Variants in AADACL4 observed in about 807,000 individuals in gnomAD.
AADACL4 encodes the protein arylacetamide deacetylase like 4.
A neutral mutation model predicts 14.1 loss-of-function variants in AADACL4; 9 were observed. The observed-to-expected ratio is 0.64, with a 90% CI of 0.39 to 1.12. The LOEUF is 1.12. AADACL4 is among the 50% of genes most tolerant of loss of function. The probability of loss-of-function intolerance (pLI) is 0.01; values close to 1 mark genes in which losing one functional copy is unlikely to be tolerated. For synonymous variants in AADACL4, 188 were observed against 201.6 expected, an observed-to-expected ratio of 0.93 and a Z score of 0.57; for missense variants, 531 against 516.1, an observed-to-expected ratio of 1.03 and a Z score of -0.28.
chr1:12,646,319 C>T (rs1169799445), intron 1 of AADACL4, among the ~76,000 whole-genome samples: 3 of 152,210 alleles, frequency 2.0e-5, no homozygotes, highest in African/African-American at 7.2e-5. Flanking sequence ...TCAGTTTCCT[C>T]ATCTGGGAGG....
At chr1:12,655,038 C>T (rs898671083) in intron 2 of AADACL4, among the ~76,000 whole-genome samples, 1 of 152,182 alleles carries the variant, frequency 6.6e-6, no homozygotes, top group African/African-American at 2.4e-5. Context: ...AAGCAGAATA[C>T]ATGTCAGTAC....
rs184983647 is a variant in AADACL4, at chr1:12,660,468, A to G, written c.386-1323A>G. 1.4e-4 allele frequency among the ~76,000 whole-genome samples: 22 copies of G among 152,192 alleles called. 1 individual carries two copies. In the South Asian group the frequency reaches 3.9e-3, roughly 27 times the overall value. On this transcript the variant is annotated intron_variant, in intron 2 of 3. Coordinates refer to ENST00000376221, the MANE Select transcript of AADACL4 (RefSeq NM_001013630.2). The stretch of plus-strand genomic sequence containing the variant: ...AGTGCAAAGCTCTGAAACAGGGACT[A>G]CCTGACATGCTTGGGAAAGGAGGAA...
At chr1:12,649,108 T>C (rs922856608) in intron 1 of AADACL4, among the ~76,000 whole-genome samples, 1 of 152,150 alleles carries the variant, frequency 6.6e-6, no homozygotes, top group Non-Finnish European at 1.5e-5. Context: ...AAGAAATCTT[T>C]GGAGGCAGAG....
Position 12,666,224 on chromosome 1 carries a change from A to G in AADACL4, c.713A>G (p.Asn238Ser), listed in dbSNP as rs1647326332. ...TTGCAGTTGCCATCCTTTCAGCAGA[A>G]CCAAAATGTCCCATTACTTTCCCGG... ...FCLQLPSFQQ[N>S]QNVPLLSRKF... Residue 238 changes from asparagine to serine, a missense_variant, in exon 4 of 4, where the codon AAC becomes AGC. By Grantham distance (46) the Asn-to-Ser change is conservative. Transcript: ENST00000376221. 1 of 1,614,078 alleles carries G rather than the reference A, an allele frequency of 6.2e-7. No individual in the cohort carries two copies. Among genetic ancestry groups the G allele is most frequent in the South Asian group, 1.1e-5 (1 of 91,082 alleles).
rs113785809 is a variant in AADACL4 at position 12,653,610 on chromosome 1, G to A, written c.385+2271G>A. Among the ~76,000 whole-genome samples the A allele has an allele frequency of 6.0e-3, 918 of 152,266 alleles. 7 individuals are homozygous for A. The highest frequency in any genetic ancestry group is 0.02 in the African/African-American group (810 of 41,528). ...TATGCTCTGGTCCTGTTAGGGCCTC[G>A]TACAATGGCTTAGTAATGAGCGCAA... On this transcript the variant is annotated intron_variant, in intron 2 of 3. Coordinates refer to ENST00000376221, the MANE Select transcript of AADACL4 (RefSeq NM_001013630.2).
intron 2 of AADACL4, among the ~76,000 whole-genome samples, chr1:12,652,600 T>C (rs557869512): frequency 3.9e-4 from 59 of 152,206 alleles, no homozygotes; most frequent in African/African-American, 1.4e-3. Context: ...GAAAAGGAAG[T>C]GGGATGGACT....
At chr1:12,651,443 A>G (rs1647148034) in intron 2 of AADACL4, 104 bp downstream of exon 2, 3 of 1,226,946 alleles carry the variant, frequency 2.4e-6, no homozygotes, top group Non-Finnish European at 3.4e-6. Context: ...TAAAGGAATC[A>G]GTTGTTGGAG....
chr1:12,651,409 C>G, intron 2 of AADACL4, 70 bp downstream of exon 2: 1 of 1,475,644 alleles, frequency 6.8e-7, no homozygotes. Flanking sequence ...TCATGCCTCC[C>G]GCAAGAACCC....
chr1:12,644,825 C>A, intron 1 of AADACL4, 111 bp downstream of exon 1: 1 of 1,217,844 alleles, frequency 8.2e-7, no homozygotes, highest in African/African-American at 1.5e-5. Context: ...TCTTCGGACT[C>A]CCTCAAGATA....
At position 12,666,482 on chromosome 1, in the gene AADACL4, C is replaced by T; in HGVS notation, c.971C>T (p.Ser324Leu). The T allele has an allele frequency of 6.2e-7, 1 of 1,614,164 alleles. No individual in the cohort carries two copies. Among genetic ancestry groups the T allele is most frequent in the Non-Finnish European group, 8.5e-7 (1 of 1,180,038 alleles). Reference sequence around the variant, plus strand: ...AAACATATGCTGGATGTAGAAAATTCACCCCTGATAGCAGATGATGAGGTC... The same window carrying T: ...AAACATATGCTGGATGTAGAAAATTTACCCCTGATAGCAGATGATGAGGTC... The part of the protein sequence containing the change: ...EAKHMLDVEN[S>L]PLIADDEVIA... The change falls in exon 4 of 4, where the codon TCA becomes TTA. Residue 324 changes from serine to leucine, a missense_variant. Transcript: ENST00000376221.
At chr1:12,648,199 T>C (rs934167431) in intron 1 of AADACL4, among the ~76,000 whole-genome samples, 1 of 151,062 alleles carries the variant, frequency 6.6e-6, no homozygotes, top group African/African-American at 2.4e-5. Flanking sequence ...CTTGATCTCC[T>C]GACCTTGTGA....
Position 12,666,742 on chromosome 1 carries a change from C to A in AADACL4, c.*7C>A. On this transcript the variant is annotated 3_prime_UTR_variant, in exon 4 of 4. Coordinates refer to ENST00000376221, the MANE Select transcript of AADACL4 (RefSeq NM_001013630.2). ...TTATATAAAGGGCATATGATAGTAA[C>A]CCTGGGGCCCCGAGGAGGAAGGGGC... The A allele has an allele frequency of 3.8e-6, 6 of 1,584,790 alleles. No individual in the cohort carries two copies. Among genetic ancestry groups the A allele is most frequent in the Non-Finnish European group, 5.1e-6 (6 of 1,169,552 alleles).
intron 3 of AADACL4, among the ~76,000 whole-genome samples, chr1:12,664,087 G>GATGC (rs905126148): frequency 1.5e-4 from 23 of 152,190 alleles, no homozygotes; most frequent in African/African-American, 5.5e-4. Flanking sequence ...AGTTCCCTGT[G>GATGC]ATGCCTTAGA....
At chr1:12,660,713 G>A (rs1013447816) in intron 2 of AADACL4, among the ~76,000 whole-genome samples, 1 of 151,860 alleles carries the variant, frequency 6.6e-6, no homozygotes, top group Non-Finnish European at 1.5e-5. Flanking sequence ...GCATGATCTC[G>A]GCTCACTGCA....
intron 1 of AADACL4, 95 bp downstream of exon 1, chr1:12,644,809 T>A: frequency 7.3e-7 from 1 of 1,361,714 alleles, no homozygotes; most frequent in Non-Finnish European, 1.0e-6. Context: ...CCCTTCTGTC[T>A]CTCTCTCTTC....
chr1:12,664,471 A>ACT (rs1647279746), intron 3 of AADACL4, among the ~76,000 whole-genome samples: 1 of 149,994 alleles, frequency 6.7e-6, no homozygotes, highest in Admixed American at 6.6e-5. Context: ...GGTTCAAGTG[A>ACT]CTCTCCTGTC....
chr1:12,661,813 T>C lies in AADACL4; in HGVS notation c.408T>C (p.Asn136=). Residue 136 remains asparagine (N), a synonymous_variant, in exon 3 of 4, where the codon AAT becomes AAC. Transcript: ENST00000376221. ...GSLDCYHGLC[N]YLARETESVL... is the part of the protein sequence containing the mutation. ...CAGATTGTTACCATGGCCTGTGCAA[T>C]TATCTGGCCCGGGAGACTGAATCTG... 3 of 1,614,130 alleles carry C rather than the reference T, an allele frequency of 1.9e-6. No individual in the cohort carries two copies. Among genetic ancestry groups the C allele is most frequent in the Middle Eastern group, 1.7e-4 (1 of 6,054 alleles).
intron 2 of AADACL4, among the ~76,000 whole-genome samples, chr1:12,655,949 C>T (rs1210874937): frequency 1.3e-5 from 2 of 152,140 alleles, no homozygotes; most frequent in African/African-American, 2.4e-5. Context: ...GACCTAATCA[C>T]AAGATGGTAT....
At chr1:12,660,767 C>A (rs3010939) in intron 2 of AADACL4, among the ~76,000 whole-genome samples, 4,034 of 152,156 alleles carry the variant, frequency 0.027, 158 homozygotes, top group African/African-American at 0.084. Context: ...CCTCAGCCTC[C>A]TGAGTAGCTG....
Sources: gnomAD v4.1 joint callset for allele counts (sites outside exome capture counted in the v4.1 genomes callset) on GRCh38, gnomAD v4.1.1 for gene constraint, MANE v1.5 for transcripts, NCBI Gene and HGNC (gene_info 2026-07-23, HGNC 2026-07-21) for gene names.